Variants in FBXL13 observed in about 807,000 individuals in gnomAD.
The protein encoded by FBXL13 is F-box and leucine-rich repeat protein 13.
A neutral mutation model predicts 83.6 loss-of-function variants in FBXL13; 67 were observed. That is an observed-to-expected ratio of 0.80 (90% CI 0.66 to 0.98). The LOEUF is 0.98. Among genes scored for constraint, FBXL13 ranks in the 50% least tolerant of loss-of-function variants. The pLI is 0.00. For synonymous variants in FBXL13, 272 were observed against 299.5 expected (o/e 0.91, Z 0.95); for missense variants, 822 against 866.5 (o/e 0.95, Z 0.64).
chr7:102,858,362 T>G (rs1164704712), intron 16 of FBXL13, among the ~76,000 whole-genome samples: 2 of 152,178 alleles, frequency 1.3e-5, no homozygotes, highest in Non-Finnish European at 2.9e-5. Context: ...GTTCAGGTAT[T>G]CTGCAGCACT....
chr7:102,974,685 C>A (rs935259523), intron 6 of FBXL13, among the ~76,000 whole-genome samples: 4 of 152,116 alleles, frequency 2.6e-5, no homozygotes, highest in Non-Finnish European at 5.9e-5. Context: ...ACCCAGATCA[C>A]CTTTCTCCTC....
At chr7:103,020,267 T>A (rs1034254748) in intron 6 of FBXL13, among the ~76,000 whole-genome samples, 3 of 152,170 alleles carry the variant, frequency 2.0e-5, no homozygotes, top group African/African-American at 7.2e-5. Flanking sequence ...TTTGACAAAA[T>A]TCAACAACCC....
chr7:102,836,954 A>C (rs1267370134), intron 17 of FBXL13, among the ~76,000 whole-genome samples: 1 of 152,220 alleles, frequency 6.6e-6, no homozygotes, highest in African/African-American at 2.4e-5. Context: ...AAAGTTGGGG[A>C]GTTTTTCCCT....
chr7:102,927,180 G>A (rs1312327393), intron 9 of FBXL13, among the ~76,000 whole-genome samples: 1 of 152,160 alleles, frequency 6.6e-6, no homozygotes. Flanking sequence ...TTTTTGTATA[G>A]GTAACACTAT....
chr7:103,038,935 C>T (rs1228184100), intron 2 of FBXL13, among the ~76,000 whole-genome samples: 2 of 152,174 alleles, frequency 1.3e-5, no homozygotes, highest in African/African-American at 4.8e-5. Flanking sequence ...CGCAGCTCCT[C>T]GCCAGCAAGG....
chr7:103,035,711 T>A (rs941087871), intron 2 of FBXL13, among the ~76,000 whole-genome samples: 1 of 152,176 alleles, frequency 6.6e-6, no homozygotes, highest in African/African-American at 2.4e-5. Flanking sequence ...TAAATGTAAA[T>A]CATTAACTTT....
intron 17 of FBXL13, among the ~76,000 whole-genome samples, chr7:102,847,890 A>G (rs1311327366): frequency 6.6e-6 from 1 of 152,192 alleles, no homozygotes; most frequent in African/African-American, 2.4e-5. Flanking sequence ...TTTAGCCTAG[A>G]AATGTATAAT....
At chr7:103,029,776 G>T (rs913278305) in intron 2 of FBXL13, among the ~76,000 whole-genome samples, 36 of 62,390 alleles carry the variant, frequency 5.8e-4, no homozygotes, top group African/African-American at 1.7e-3. Context: ...GAATCATTCT[G>T]AATCAAACAG....
chr7:102,988,535 TG>T (rs1297364445), intron 6 of FBXL13: 1 of 151,750 alleles, frequency 6.6e-6, no homozygotes, highest in Non-Finnish European at 1.5e-5. Flanking sequence ...CAAAACAAAG[TG>T]GGAGGGCAGA....
At chr7:102,816,632 G>T (rs1170880813) in intron 19 of FBXL13, among the ~76,000 whole-genome samples, 1 of 152,140 alleles carries the variant, frequency 6.6e-6, no homozygotes, top group Non-Finnish European at 1.5e-5. Flanking sequence ...AAAAAATTTA[G>T]ATTCAGGGTG....
chr7:102,933,898 C>T (rs778155877), intron 8 of FBXL13: 1 of 1,579,372 alleles, frequency 6.3e-7, no homozygotes, highest in South Asian at 1.2e-5. Flanking sequence ...GTAATTGGGG[C>T]CAGCTGGATG....
intron 11 of FBXL13, among the ~76,000 whole-genome samples, chr7:102,892,970 T>C (rs1332010001): frequency 6.6e-6 from 1 of 152,212 alleles, no homozygotes; most frequent in African/African-American, 2.4e-5. Context: ...CCTTTATTAT[T>C]CCATACAATA....
intron 6 of FBXL13, among the ~76,000 whole-genome samples, chr7:103,024,152 AGAGAGAGAGAG>A: frequency 1.2e-5 from 1 of 83,716 alleles, no homozygotes; most frequent in Non-Finnish European, 2.3e-5. Context: ...AGAGAGAGAG[AGAGAGAGAGAG>A]AGAGAGAGAG....
intron 12 of FBXL13, 36 bp downstream of exon 13, chr7:102,884,178 G>T: frequency 7.1e-7 from 1 of 1,416,174 alleles, no homozygotes; most frequent in Non-Finnish European, 1.0e-6. Flanking sequence ...TCTATCTTAT[G>T]GGACAGAAAA....
At chr7:102,973,566 G>A (rs1208148421) in intron 6 of FBXL13, 1 of 765,200 alleles carries the variant, frequency 1.3e-6, no homozygotes, top group Non-Finnish European at 2.4e-6. Flanking sequence ...ACTGCCTCGT[G>A]TTGTCTGTTG....
At chr7:102,974,328 T>C (rs1827172289) in intron 6 of FBXL13, among the ~76,000 whole-genome samples, 1 of 152,038 alleles carries the variant, frequency 6.6e-6, no homozygotes. Context: ...AGGCAGAGCT[T>C]GCAGTGAGCC....
At position 103,055,124 on chromosome 7, in the gene FBXL13, A is replaced by T. The variant is rs1464704117; in HGVS notation, c.-1+520T>A. The T allele has an allele frequency of 2.3e-6, 3 of 1,289,226 alleles. No individual in the cohort carries two copies. The African/African-American group carries it at 4.6e-5, about 20-fold the overall frequency. The allele number at this position is 1,289,226 out of a possible 1,614,324, so 79.9% of individuals were successfully genotyped here. ...CCAATTCAAAAAGTTGTTCCAGGTA[A>T]GTTTCAGACAATCTTCGAATGTTTG... On this transcript the variant is annotated intron_variant, in intron 2 of 19. Coordinates refer to ENST00000313221, the Ensembl canonical transcript of FBXL13.
chr7:102,834,086 A>AAGGAAAGGAAAG (rs1562925844), intron 17 of FBXL13, among the ~76,000 whole-genome samples: 1 of 93,678 alleles, frequency 1.1e-5, no homozygotes. Flanking sequence ...GGAAGGAAAG[A>AAGGAAAGGAAAG]AAAGAAAGAA....
intron 16 of FBXL13, among the ~76,000 whole-genome samples, chr7:102,870,940 T>C (rs1250104546): frequency 6.6e-6 from 1 of 152,096 alleles, no homozygotes; most frequent in Non-Finnish European, 1.5e-5. Context: ...TTTCTTTAAT[T>C]CTCATCTTTC....
Sources: gnomAD v4.1 joint callset for allele counts (sites outside exome capture counted in the v4.1 genomes callset) on GRCh38, gnomAD v4.1.1 for gene constraint, MANE v1.5 for transcripts, NCBI Gene and HGNC (gene_info 2026-07-23, HGNC 2026-07-21) for gene names.